F13A1: variants seen among roughly 807,000 people sequenced by gnomAD.
The protein encoded by F13A1 is coagulation factor XIII A chain, also known as FSF, A subunit.
F13A1 carries 47 observed loss-of-function variants against 80.1 expected under a neutral mutation model. The ratio of observed to expected loss-of-function variants is 0.59; its 90% confidence interval spans 0.46 to 0.75. F13A1 has a LOEUF of 0.75. Ranked by LOEUF, F13A1 falls within the 30% of genes least tolerant of loss-of-function variation. F13A1 has a pLI of 0.00. For missense variants in F13A1, 817 were observed against 930.4 expected (o/e 0.88, Z 1.59); for synonymous variants, 349 against 344.9 (o/e 1.01, Z -0.13).
chr6:6,298,766 T>C lies in F13A1; in HGVS notation c.319+6585A>G, dbSNP rs886815745. 3.3e-5 allele frequency among the ~76,000 whole-genome samples: 5 copies of C among 149,792 alleles called. 1 individual carries two copies. The highest frequency in any genetic ancestry group is 5.1e-5 in the African/African-American group (2 of 39,208). Reference sequence around the variant, plus strand: ...CATTTACATTCAAAGTTAATATTGTTATGTGTGAATTTGATCCTGTCATTA... The same window carrying C: ...CATTTACATTCAAAGTTAATATTGTCATGTGTGAATTTGATCCTGTCATTA... On this transcript the variant is annotated intron_variant, in intron 3 of 14. Transcript: ENST00000264870.
intron 10 of F13A1, among the ~76,000 whole-genome samples, chr6:6,190,647 T>G (rs1344823574): frequency 1.3e-5 from 2 of 152,100 alleles, no homozygotes; most frequent in South Asian, 2.1e-4. Flanking sequence ...CAGGGACATT[T>G]AAGTCTGCAG....
At position 6,243,777 on chromosome 6, in the gene F13A1, A is replaced by G. The variant is rs1757518035; in HGVS notation, c.798+4535T>C. ...TCCCCATTGCACACGCTGGTTCAGC[A>G]TGTGTTTCGACACAGATCCTCCACT... On this transcript the variant is annotated intron_variant, in intron 6 of 14. Transcript: ENST00000264870. This position sits in a 1 kb window ranked among gnomAD's most constrained non-coding sequence, Gnocchi z 4.2. 6.6e-6 allele frequency among the ~76,000 whole-genome samples: 1 copy of G among 152,194 alleles called. No individual in the cohort carries two copies. Among genetic ancestry groups the G allele is most frequent in the Admixed American group, 6.5e-5 (1 of 15,286 alleles).
At chr6:6,182,415 A>G (rs1279428004) in intron 10 of F13A1, among the ~76,000 whole-genome samples, 3 of 152,176 alleles carry the variant, frequency 2.0e-5, no homozygotes, top group African/African-American at 7.2e-5. Context: ...TGTCCTTGTG[A>G]TAAGTCCTAC....
chr6:6,186,173 G>C (rs1583061129), intron 10 of F13A1, among the ~76,000 whole-genome samples: 1 of 150,554 alleles, frequency 6.6e-6, no homozygotes, highest in Non-Finnish European at 1.5e-5. Context: ...TCTGTAGGTT[G>C]CCTGTTCACT....
At position 6,172,885 on chromosome 6, in the gene F13A1, C is replaced by T. The variant is rs560904837; in HGVS notation, c.1747+1695G>A. Among the ~76,000 whole-genome samples the T allele has an allele frequency of 2.0e-5, 3 of 152,284 alleles. No individual in the cohort carries two copies. The South Asian group carries it at 6.2e-4, about 32-fold the overall frequency. ...TTTCTGGGAATATTTTCCAAAACCT[C>T]AGTAAGGGGACCATGATCTGTGACA... On this transcript the variant is annotated intron_variant, in intron 12 of 14. Coordinates refer to ENST00000264870, the MANE Select transcript of F13A1 (RefSeq NM_000129.4).
chr6:6,294,545 T>C (rs903946021), intron 3 of F13A1, among the ~76,000 whole-genome samples: 3 of 148,248 alleles, frequency 2.0e-5, no homozygotes, highest in Admixed American at 1.3e-4. Flanking sequence ...CACACACATA[T>C]ATATATATAC....
chr6:6,251,920 A>G (rs1021854692), intron 4 of F13A1, among the ~76,000 whole-genome samples: 1 of 152,112 alleles, frequency 6.6e-6, no homozygotes, highest in Admixed American at 6.5e-5. Context: ...GCCAGGATGA[A>G]TGTCCTAGGA....
intron 2 of F13A1, among the ~76,000 whole-genome samples, chr6:6,309,757 G>A (rs1229194855): frequency 6.6e-6 from 1 of 152,190 alleles, no homozygotes. Flanking sequence ...GCTGGAAGCT[G>A]AACCCAGTTA....
chr6:6,205,700 G>C (rs1024438672), intron 8 of F13A1, among the ~76,000 whole-genome samples: 2 of 151,972 alleles, frequency 1.3e-5, no homozygotes, highest in Non-Finnish European at 2.9e-5. Context: ...CCCATGGTGT[G>C]ATTACGTGTT....
Position 6,151,746 on chromosome 6 carries a change from GACACAC to G in F13A1, c.2045+61_2045+66del. The stretch of plus-strand genomic sequence containing the variant: ...GGGGAGCAGATCTATGTTTGGAAAA[GACACAC>G]ACAGAGAAAGCTTCCCACAGCCCTG... On this transcript the variant is annotated intron_variant, in intron 14 of 14. Transcript: ENST00000264870. 1.9e-6 allele frequency: 3 copies of G among 1,601,384 alleles called. No homozygotes were observed. In the South Asian group the frequency reaches 3.3e-5, roughly 18 times the overall value.
At chr6:6,318,796 G>A (rs1758727763) in intron 1 of F13A1, 114 bp from the exon 2 acceptor site, 1 of 1,150,864 alleles carries the variant, frequency 8.7e-7, no homozygotes, top group East Asian at 2.4e-5. Flanking sequence ...TAGCACTTGA[G>A]CAACACATTT....
rs3024398 is a variant in F13A1, at chr6:6,224,381, A to G, written c.973+305T>C. On this transcript the variant is annotated intron_variant, in intron 7 of 14. Transcript: ENST00000264870. ...TAGTTTTTTTAAAATGTGGTGGCTG[A>G]AAAGAAAATGGCTTTTTTCTCTATA... 0.028 allele frequency among the ~76,000 whole-genome samples: 4,311 copies of G among 152,278 alleles called. 152 individuals carry two copies. Among genetic ancestry groups the G allele is most frequent in the African/African-American group, 0.08 (3,318 of 41,552 alleles).
chr6:6,293,040 C>G (rs999178642), intron 3 of F13A1, among the ~76,000 whole-genome samples: 2 of 152,206 alleles, frequency 1.3e-5, no homozygotes, highest in Admixed American at 1.3e-4. Flanking sequence ...TTCTCCTCAT[C>G]TTTCTGCTGT....
At position 6,248,335 on chromosome 6, in the gene F13A1, CT is replaced by C. The variant is rs769849735; in HGVS notation, c.774del (p.Val259SerfsTer9). The C allele has an allele frequency of 6.2e-7, 1 of 1,613,888 alleles. No individual in the cohort carries two copies. The highest frequency in any genetic ancestry group is 1.1e-5 in the South Asian group (1 of 91,078). On this transcript the variant is annotated frameshift_variant, in exon 6 of 15. Transcript: ENST00000264870. LOFTEE classifies it high-confidence loss of function. ...MDLSGRGNPI[K>X]VSRVGSAMVN... is the part of the protein sequence containing the mutation. ...ACCATTGCAGACCCCACACGGCTGA[CT>C]TTGATGGGATTCCCTCTTCCAGAGA...
chr6:6,300,463 T>C (rs59417698), intron 3 of F13A1, among the ~76,000 whole-genome samples: 23,721 of 151,066 alleles, frequency 0.16, 5,122 homozygotes, highest in African/African-American at 0.48. Flanking sequence ...TTTTTAAGCC[T>C]GTCGGAAAAG....
intron 3 of F13A1, among the ~76,000 whole-genome samples, chr6:6,296,481 C>T (rs1324130201): frequency 1.3e-5 from 2 of 149,186 alleles, no homozygotes; most frequent in Non-Finnish European, 3.0e-5. Flanking sequence ...AAGTTGGATT[C>T]CTAGGTATTT....
intron 4 of F13A1, among the ~76,000 whole-genome samples, chr6:6,256,697 G>C (rs1250879479): frequency 1.3e-5 from 2 of 152,138 alleles, no homozygotes; most frequent in Non-Finnish European, 2.9e-5. Flanking sequence ...CCCAGAGAAG[G>C]TAAGGATTTA....
At chr6:6,282,470 T>G (rs975619566) in intron 3 of F13A1, among the ~76,000 whole-genome samples, 2 of 152,192 alleles carry the variant, frequency 1.3e-5, no homozygotes, top group Non-Finnish European at 2.9e-5. Flanking sequence ...AATAATAATT[T>G]TGGTAATAAA....
intron 6 of F13A1, among the ~76,000 whole-genome samples, chr6:6,237,754 T>C (rs1242547864): frequency 6.6e-6 from 1 of 152,220 alleles, no homozygotes; most frequent in Non-Finnish European, 1.5e-5. Flanking sequence ...TCCCAGACTT[T>C]ATGTTCACAG....
Sources: allele counts gnomAD v4.1 joint callset (sites outside exome capture counted in the v4.1 genomes callset), GRCh38; gene constraint gnomAD v4.1.1; non-coding constraint Gnocchi (gnomAD v3.1); transcripts MANE v1.5; gene names NCBI Gene and HGNC (gene_info 2026-07-23, HGNC 2026-07-21).